BOLL: variants seen among roughly 807,000 people sequenced by gnomAD.
BOLL encodes protein boule-like.
In BOLL, 23 loss-of-function variants were observed where a neutral mutation model predicts 44.4. That is an observed-to-expected ratio of 0.52 (90% CI 0.37 to 0.73). BOLL has a LOEUF of 0.73. BOLL is among the 30% of genes least tolerant of loss of function. BOLL has a pLI of 0.00. For missense variants in BOLL, 287 were observed against 338.3 expected, an observed-to-expected ratio of 0.85 and a Z score of 1.19; for synonymous variants, 97 against 110.8, an observed-to-expected ratio of 0.88 and a Z score of 0.78.
At chr2:197,748,313 G>A (rs1192962395) in intron 9 of BOLL, among the ~76,000 whole-genome samples, 1 of 152,230 alleles carries the variant, frequency 6.6e-6, no homozygotes, top group Admixed American at 6.5e-5. Context: ...GCCCATTTGG[G>A]CAGACACCGA....
At chr2:197,736,084 G>A (rs1257315461) in intron 10 of BOLL, among the ~76,000 whole-genome samples, 1 of 151,870 alleles carries the variant, frequency 6.6e-6, no homozygotes, top group Non-Finnish European at 1.5e-5. Context: ...TGCTACTGTG[G>A]GCAAGTTACT....
intron 1 of BOLL, among the ~76,000 whole-genome samples, chr2:197,784,387 AATACAT>A (rs1185486129): frequency 3.2e-5 from 3 of 94,450 alleles, no homozygotes; most frequent in African/African-American, 1.4e-4. Flanking sequence ...ACAGCAGTCT[AATACAT>A]ATATATATAT....
intron 2 of BOLL, among the ~76,000 whole-genome samples, chr2:197,781,466 G>C (rs549040212): frequency 6.6e-6 from 1 of 152,264 alleles, no homozygotes; most frequent in Admixed American, 6.5e-5. Context: ...TAGGCTTCTA[G>C]TCTCACTCTG....
chr2:197,759,409 C>A (rs969223197), intron 7 of BOLL, among the ~76,000 whole-genome samples: 1 of 152,136 alleles, frequency 6.6e-6, no homozygotes, highest in Non-Finnish European at 1.5e-5. Flanking sequence ...GCTGGGAATT[C>A]GTGGCTGCAT....
chr2:197,768,970 A>AT (rs1407155291), intron 6 of BOLL, among the ~76,000 whole-genome samples: 1 of 151,286 alleles, frequency 6.6e-6, no homozygotes, highest in Non-Finnish European at 1.5e-5. Flanking sequence ...ATGTTTATTG[A>AT]TTCGTGATGT....
At chr2:197,764,218 T>A (rs888957405) in intron 7 of BOLL, among the ~76,000 whole-genome samples, 1 of 152,170 alleles carries the variant, frequency 6.6e-6, no homozygotes, top group Non-Finnish European at 1.5e-5. Flanking sequence ...AATCATTGTA[T>A]CAGAGAGACA....
intron 10 of BOLL, among the ~76,000 whole-genome samples, chr2:197,730,725 T>C (rs1437425583): frequency 2.7e-5 from 4 of 150,514 alleles, no homozygotes; most frequent in African/African-American, 9.8e-5. Context: ...GCTTCATAAG[T>C]GAAGGAGAAA....
At chr2:197,780,318 T>G (rs1229318583) in intron 2 of BOLL, among the ~76,000 whole-genome samples, 1 of 152,036 alleles carries the variant, frequency 6.6e-6, no homozygotes, top group African/African-American at 2.4e-5. Context: ...ATCTGTGGTT[T>G]TGAAAAAGGT....
chr2:197,746,484 C>A (rs1232518551), intron 9 of BOLL, among the ~76,000 whole-genome samples: 2 of 152,150 alleles, frequency 1.3e-5, no homozygotes, highest in South Asian at 4.1e-4. Context: ...AGAAGGAGAT[C>A]CTGTCATTTA....
At chr2:197,734,010 T>A (rs1687347621) in intron 10 of BOLL, among the ~76,000 whole-genome samples, 2 of 151,396 alleles carry the variant, frequency 1.3e-5, no homozygotes, top group South Asian at 4.2e-4. Flanking sequence ...GAAACTACCA[T>A]CAGAGTGAAC....
intron 9 of BOLL, among the ~76,000 whole-genome samples, chr2:197,754,750 AACACACACACACACACACACACACAC>A (rs142614771): frequency 7.3e-5 from 11 of 149,968 alleles, no homozygotes; most frequent in African/African-American, 2.7e-4. Context: ...AAAACCCCAA[AACACACACACACACACACACACACAC>A]ACACACACAC....
Position 197,748,325 on chromosome 2 carries a change from C to A in BOLL, c.730-5166G>T, listed in dbSNP as rs889780628. Among the ~76,000 whole-genome samples, 12 of 152,212 alleles carry A rather than the reference C, an allele frequency of 7.9e-5. No individual in the cohort carries two copies. The East Asian group carries it at 2.1e-3, about 27-fold the overall frequency. Reference sequence around the variant, plus strand: ...GGTGCCCATTTGGGCAGACACCGAGCTAGCTACAGGGTTTTTTTTGTTCAT... The same window carrying A: ...GGTGCCCATTTGGGCAGACACCGAGATAGCTACAGGGTTTTTTTTGTTCAT... On this transcript the variant is annotated intron_variant, in intron 9 of 10. Transcript: ENST00000392296.
intron 5 of BOLL, 151 bp from the exon 6 acceptor site, chr2:197,772,133 A>T (rs896531327): frequency 3.1e-5 from 18 of 581,504 alleles, no homozygotes; most frequent in Non-Finnish European, 4.7e-5. Flanking sequence ...AAAATTCCTT[A>T]TGTCAAAGTA....
rs1445680288 is a variant in BOLL, at chr2:197,756,533, G to A, written c.624C>T (p.Phe208=). The change falls in exon 9 of 11, where the codon TTC becomes TTT. Residue 208 remains phenylalanine, a synonymous_variant. Transcript: ENST00000392296. The part of the protein sequence containing the change: ...VPQPSASSAP[F]LYLQPSEVIY... ...TAACCTCAGAAGGTTGCAGGTATAA[G>A]AATGGAGCAGAAGAGGCAGAAGGCT... 6.2e-7 allele frequency: 1 copy of A among 1,610,720 alleles called. No homozygotes were observed. Among genetic ancestry groups the A allele is most frequent in the African/African-American group, 1.3e-5 (1 of 74,834 alleles).
At chr2:197,776,996 G>A (rs1369918794) in intron 4 of BOLL, 63 bp downstream of exon 4, 11 of 1,289,624 alleles carry the variant, frequency 8.5e-6, no homozygotes, top group Middle Eastern at 1.9e-4. Flanking sequence ...TTTGAACCCC[G>A]AAAAGATTAG....
At chr2:197,786,035 G>T, upstream of BOLL, 1 of 1,607,746 alleles carries the variant, frequency 6.2e-7, no homozygotes, top group Non-Finnish European at 8.5e-7. The surrounding 1 kb of genome is among the most constrained non-coding windows in gnomAD (Gnocchi z 5.9). Flanking sequence ...ACGCGGGGTA[G>T]GGAAAAGAAG....
chr2:197,783,381 T>C (rs887759686), intron 1 of BOLL, among the ~76,000 whole-genome samples: 10 of 152,194 alleles, frequency 6.6e-5, no homozygotes, highest in African/African-American at 2.2e-4. Flanking sequence ...CCAGCTCAGG[T>C]AATAAAGTTG....
rs1047570451 is a variant in BOLL, at chr2:197,757,399, G to A, written c.554C>T (p.Ala185Val). Residue 185 changes from alanine (A) to valine (V), a missense_variant and splice_region_variant, in exon 8 of 11, where the codon GCC (alanine) becomes GTC (valine). Transcript: ENST00000392296. ...CTGTCCTGGTAAATACTGTGTGGTG[G>A]CCTAAAATTAAATAAAAGAAAAGAA... ...IYQQPAYHYQ[A>V]TTQYLPGQWQ... The A allele has an allele frequency of 6.2e-7, 1 of 1,607,090 alleles. No individual in the cohort carries two copies. Among genetic ancestry groups the A allele is most frequent in the Admixed American group, 1.7e-5 (1 of 59,008 alleles).
In BOLL at chr2:197,731,711, A is replaced by T. The variant is rs1055166074; in HGVS notation, c.829-3133T>A. Among the ~76,000 whole-genome samples, 29 of 152,252 alleles carry T rather than the reference A, an allele frequency of 1.9e-4. 1 individual carries two copies. Among genetic ancestry groups the T allele is most frequent in the African/African-American group, 6.5e-4 (27 of 41,498 alleles). ...AAACTGAACAACCTGCTCCTGAATG[A>T]CTACTGGGTACATAACAAAATGAAG... On this transcript the variant is annotated intron_variant, in intron 10 of 10. Coordinates refer to ENST00000392296, the MANE Select transcript of BOLL (RefSeq NM_033030.6).
Sources: gnomAD v4.1 joint callset for allele counts (sites outside exome capture counted in the v4.1 genomes callset) on GRCh38, gnomAD v4.1.1 for gene constraint, Gnocchi (gnomAD v3.1) non-coding constraint, MANE v1.5 for transcripts, NCBI Gene and HGNC (gene_info 2026-07-23, HGNC 2026-07-21) for gene names.